Variants in FHIT observed in about 807,000 individuals in gnomAD.
FHIT encodes the protein fragile histidine triad diadenosine triphosphatase.
FHIT carries 19 observed loss-of-function variants against 17.9 expected under a neutral mutation model. The observed-to-expected ratio is 1.06, with a 90% CI of 0.74 to 1.56. The LOEUF (loss-of-function observed/expected upper bound fraction) is 1.56, where lower values mean the gene tolerates loss of function less well. Ranked by LOEUF, FHIT falls within the 40% of genes most tolerant of loss-of-function variation. The probability of loss-of-function intolerance (pLI) is 0.00; values close to 1 mark genes in which losing one functional copy is unlikely to be tolerated. For missense variants in FHIT, 248 were observed against 189.2 expected (o/e 1.31, Z -1.82); for synonymous variants, 81 against 69.7 (o/e 1.16, Z -0.81).
At chr3:61,026,458 C>T (rs1011887001) in intron 3 of FHIT, among the ~76,000 whole-genome samples, 2 of 152,146 alleles carry the variant, frequency 1.3e-5, no homozygotes, top group Non-Finnish European at 2.9e-5. Flanking sequence ...GCGCCTGGCT[C>T]AAAGAGAATA....
chr3:60,203,672 T>A (rs929079437), intron 5 of FHIT, among the ~76,000 whole-genome samples: 4 of 152,164 alleles, frequency 2.6e-5, no homozygotes, highest in African/African-American at 9.7e-5. Flanking sequence ...CACAAAAACA[T>A]ATATGTACAC....
At chr3:60,582,000 G>C (rs1269954638) in intron 4 of FHIT, among the ~76,000 whole-genome samples, 1 of 151,938 alleles carries the variant, frequency 6.6e-6, no homozygotes, top group African/African-American at 2.4e-5. Context: ...GTGAGGGCAG[G>C]ATTTTTGCTT....
chr3:60,533,457 A>G (rs1351002504), intron 5 of FHIT, among the ~76,000 whole-genome samples: 1 of 152,248 alleles, frequency 6.6e-6, no homozygotes, highest in Non-Finnish European at 1.5e-5. Flanking sequence ...AGAAATAGGG[A>G]TGCACGTACT....
intron 4 of FHIT, among the ~76,000 whole-genome samples, chr3:60,814,542 CT>C (rs2106732582): frequency 6.6e-6 from 1 of 152,204 alleles, no homozygotes; most frequent in African/African-American, 2.4e-5. Context: ...TGATTCGATT[CT>C]TTTTTATTAC....
chr3:60,118,303 A>C (rs1705073414), intron 5 of FHIT, among the ~76,000 whole-genome samples: 1 of 148,176 alleles, frequency 6.7e-6, no homozygotes, highest in African/African-American at 2.5e-5. Flanking sequence ...TTTTGTAGAG[A>C]CAGGGTCTTT....
intron 5 of FHIT, among the ~76,000 whole-genome samples, chr3:60,347,909 C>T (rs1240079711): frequency 2.0e-5 from 3 of 152,072 alleles, no homozygotes; most frequent in Admixed American, 1.3e-4. Context: ...CAGGCGCCCA[C>T]CACCATGCCC....
chr3:61,124,536 C>T (rs576588867), intron 2 of FHIT, among the ~76,000 whole-genome samples: 1 of 152,186 alleles, frequency 6.6e-6, no homozygotes, highest in East Asian at 1.9e-4. Flanking sequence ...CATGATATCA[C>T]TGATTAGGGA....
rs142596296 is a variant in FHIT, at chr3:60,800,668, C to T, written c.-18+21251G>A. Among the ~76,000 whole-genome samples, 547 of 152,220 alleles carry T rather than the reference C, an allele frequency of 3.6e-3. 1 individual carries two copies. The highest frequency in any genetic ancestry group is 0.012 in the African/African-American group (504 of 41,520). ...ATTGAAATAGTGCCCTCAGGAGAAA[C>T]CTATGGGGAAATGAGGGAGTAGGAT... On this transcript the variant is annotated intron_variant, in intron 4 of 9. Coordinates refer to ENST00000492590, the MANE Select transcript of FHIT (RefSeq NM_002012.4).
chr3:60,912,721 G>T (rs782322904), intron 3 of FHIT: 4 of 514,174 alleles, frequency 7.8e-6, no homozygotes, highest in African/African-American at 1.9e-5. Flanking sequence ...TTACTAACTA[G>T]CCCTTCCATT....
At chr3:61,053,953 T>C (rs1407125498) in intron 2 of FHIT, among the ~76,000 whole-genome samples, 4 of 152,052 alleles carry the variant, frequency 2.6e-5, no homozygotes, top group Admixed American at 1.3e-4. Context: ...TAATGAAAAC[T>C]AAAATGCAGG....
At chr3:60,284,466 C>T (rs1707619910) in intron 5 of FHIT, among the ~76,000 whole-genome samples, 2 of 152,206 alleles carry the variant, frequency 1.3e-5, no homozygotes, top group African/African-American at 4.8e-5. Flanking sequence ...ACCTATCCCA[C>T]TTGCCTGTAT....
At chr3:59,978,754 A>G (rs1708522376) in intron 7 of FHIT, among the ~76,000 whole-genome samples, 1 of 151,162 alleles carries the variant, frequency 6.6e-6, no homozygotes, top group African/African-American at 2.4e-5. Context: ...CCAGCTCCCC[A>G]AAGCCCATAC....
intron 4 of FHIT, among the ~76,000 whole-genome samples, chr3:60,600,667 G>T (rs2107712524): frequency 6.6e-6 from 1 of 152,238 alleles, no homozygotes; most frequent in East Asian, 1.9e-4. Context: ...TAAGTAGACA[G>T]ATTTCTGAAG....
At chr3:60,415,779 G>C (rs1367511532) in intron 5 of FHIT, among the ~76,000 whole-genome samples, 2 of 150,028 alleles carry the variant, frequency 1.3e-5, no homozygotes, top group African/African-American at 4.9e-5. Flanking sequence ...ATGTGAAAGT[G>C]GGTAAATGAT....
chr3:60,638,640 G>C (rs1300196984), intron 4 of FHIT, among the ~76,000 whole-genome samples: 1 of 151,984 alleles, frequency 6.6e-6, no homozygotes, highest in Admixed American at 6.6e-5. Flanking sequence ...GCAAAGTTCA[G>C]GAATCTTTTC....
At chr3:60,103,163 C>T (rs1160725821) in intron 5 of FHIT, among the ~76,000 whole-genome samples, 13 of 152,136 alleles carry the variant, frequency 8.5e-5, no homozygotes. Flanking sequence ...TTACCCCCTA[C>T]CACAGGAAAG....
chr3:60,426,944 C>T (rs750354544), intron 5 of FHIT, among the ~76,000 whole-genome samples: 4 of 152,000 alleles, frequency 2.6e-5, no homozygotes, highest in South Asian at 2.1e-4. Context: ...TTGGGTAAGA[C>T]GGAGTACACT....
intron 2 of FHIT, among the ~76,000 whole-genome samples, chr3:61,042,965 T>A (rs919175526): frequency 3.9e-5 from 6 of 151,954 alleles, no homozygotes; most frequent in Admixed American, 1.3e-4. Flanking sequence ...ACATACAAAA[T>A]TTTTTTTAGA....
chr3:59,981,097 C>T (rs1708634819), intron 7 of FHIT, among the ~76,000 whole-genome samples: 1 of 152,064 alleles, frequency 6.6e-6, no homozygotes, highest in Non-Finnish European at 1.5e-5. Flanking sequence ...ACAAAAAAAA[C>T]ACTGGGTCCA....
Sources: gnomAD v4.1 joint callset for allele counts (sites outside exome capture counted in the v4.1 genomes callset) on GRCh38, gnomAD v4.1.1 for gene constraint, MANE v1.5 for transcripts, NCBI Gene and HGNC (gene_info 2026-07-23, HGNC 2026-07-21) for gene names.